CCDC157: variants seen among roughly 807,000 people sequenced by gnomAD.
CCDC157 encodes the protein coiled-coil domain containing 157, also known as coiled-coil domain-containing protein 157.
In CCDC157, 60 loss-of-function variants were observed where a neutral mutation model predicts 70.9. The observed-to-expected ratio is 0.85, with a 90% CI of 0.69 to 1.05. The LOEUF (loss-of-function observed/expected upper bound fraction) is 1.05, where lower values mean the gene tolerates loss of function less well. Ranked by LOEUF, CCDC157 falls within the 50% of genes least tolerant of loss-of-function variation. The probability of loss-of-function intolerance (pLI) is 0.00; values close to 1 mark genes in which losing one functional copy is unlikely to be tolerated. For missense variants in CCDC157, 943 were observed against 984.2 expected, an observed-to-expected ratio of 0.96 and a Z score of 0.56; for synonymous variants, 373 against 422.4, an observed-to-expected ratio of 0.88 and a Z score of 1.43.
intron 9 of CCDC157, chr22:30,374,523 G>A (rs1933200427): frequency 8.7e-6 from 4 of 461,460 alleles, no homozygotes; most frequent in South Asian, 1.5e-5. Context: ...TGGCATAGGA[G>A]TGCTAGGTAC....
chr22:30,371,862 C>T, intron 6 of CCDC157, 135 bp downstream of exon 6: 1 of 853,278 alleles, frequency 1.2e-6, no homozygotes, highest in Non-Finnish European at 1.9e-6. Flanking sequence ...TGGGCCTGAC[C>T]AACCACACTA....
rs760157070 is a variant in CCDC157 at position 30,369,545 on chromosome 22, G to A, written c.362G>A (p.Arg121Gln). ...TGCATGTCCGTGGGGCTCACGGTGCGGCGCTTCTGGGACAGCCTGCTGAGG... is the reference window on the plus strand; with the variant it reads ...TGCATGTCCGTGGGGCTCACGGTGCAGCGCTTCTGGGACAGCCTGCTGAGG... ...GPCMSVGLTVRRFWDSLLRLG... is the reference protein window; with the variant it reads ...GPCMSVGLTVQRFWDSLLRLG... The change falls in exon 4 of 12, where the codon CGG becomes CAG. Residue 121 changes from arginine to glutamine, a missense_variant. By Grantham distance (43) the Arg-to-Gln change is conservative (BLOSUM62 1). Transcript: ENST00000338306. 1.0e-5 allele frequency: 16 copies of A among 1,603,408 alleles called. No homozygotes were observed. Among genetic ancestry groups the A allele is most frequent in the African/African-American group, 2.7e-5 (2 of 74,294 alleles).
rs575107732 is a variant in CCDC157, at chr22:30,371,507, G to A, written c.1046-143G>A. The A allele has an allele frequency of 1.9e-3, 1,298 of 667,498 alleles. 29 individuals are homozygous for A. The South Asian group carries it at 0.022, about 11-fold the overall frequency. The allele number at this position is 667,498 out of a possible 1,614,324, so 41.3% of individuals were successfully genotyped here. ...GGTAAGGGCCCAGCCGCTTCCACCA[G>A]CCTCCCTAGAGCTCCTCCCATGGCC... On this transcript the variant is annotated intron_variant, in intron 5 of 11. Transcript: ENST00000338306.
intron 3 of CCDC157, among the ~76,000 whole-genome samples, chr22:30,368,429 G>A (rs1932804694): frequency 6.6e-6 from 1 of 152,220 alleles, no homozygotes; most frequent in South Asian, 2.1e-4. Flanking sequence ...GTAGCATTGA[G>A]CTGCTCAGTT....
rs1601745238 is a variant in CCDC157 at position 30,373,778 on chromosome 22, T to G, written c.1503+14T>G. Reference sequence around the variant, plus strand: ...AGGGCCCAGCAGGTGAGGGTGGGGGTCTTCCTTTTTGCCAGAGAAGTCTCC... The same window carrying G: ...AGGGCCCAGCAGGTGAGGGTGGGGGGCTTCCTTTTTGCCAGAGAAGTCTCC... On this transcript the variant is annotated intron_variant, in intron 8 of 11. Coordinates refer to ENST00000338306, the MANE Select transcript of CCDC157 (RefSeq NM_001017437.5). 6.5e-7 allele frequency: 1 copy of G among 1,539,576 alleles called. No individual in the cohort carries two copies.
intron 9 of CCDC157, chr22:30,374,435 T>C (rs752141286): frequency 3.2e-5 from 16 of 493,402 alleles, no homozygotes; most frequent in South Asian, 2.3e-4. Flanking sequence ...TTCTTGGTTC[T>C]TGGAATGGGT....
chr22:30,366,271 G>T (rs762905873), intron 3 of CCDC157, 23 bp downstream of exon 3: 3 of 1,611,872 alleles, frequency 1.9e-6, no homozygotes, highest in Non-Finnish European at 2.5e-6. Flanking sequence ...ACCAAGCCTG[G>T]TCATCTCAGG....
chr22:30,377,000 A>T lies in CCDC157; in HGVS notation c.*255A>T. ...TCCCTCCCGACAGAGGCTGTGGGAT[A>T]GGAGAGTACACCCAGGGCAGAGGAA... On this transcript the variant is annotated 3_prime_UTR_variant, in exon 12 of 12. Coordinates refer to ENST00000338306, the MANE Select transcript of CCDC157 (RefSeq NM_001017437.5). The T allele has an allele frequency of 3.5e-6, 2 of 569,366 alleles. No homozygotes were observed. Among genetic ancestry groups the T allele is most frequent in the East Asian group, 5.9e-5 (2 of 34,188 alleles). The allele number at this position is 569,366 out of a possible 1,614,324, so 35.3% of individuals were successfully genotyped here.
In CCDC157 at chr22:30,373,704, C is replaced by T. The variant is rs560364448; in HGVS notation, c.1443C>T (p.Arg481=). The T allele has an allele frequency of 5.9e-5, 91 of 1,553,058 alleles. No individual in the cohort carries two copies. The East Asian group carries it at 1.8e-3, about 31-fold the overall frequency. ...SLDEAEAQRA[R]VEEQLQSERE... The stretch of plus-strand genomic sequence containing the variant: ...ACGAGGCTGAGGCCCAGCGGGCCCG[C>T]GTGGAGGAGCAGCTGCAGAGCGAGC... Residue 481 remains arginine, a synonymous_variant, in exon 8 of 12, where the codon CGC becomes CGT. Coordinates refer to ENST00000338306, the MANE Select transcript of CCDC157 (RefSeq NM_001017437.5).
In CCDC157 at chr22:30,377,606, G is replaced by A. The variant is rs1933433431; in HGVS notation, c.*861G>A. 1 of 154,024 alleles carries A rather than the reference G, an allele frequency of 6.5e-6. No homozygotes were observed. Among genetic ancestry groups the A allele is most frequent in the Non-Finnish European group, 1.4e-5 (1 of 69,168 alleles). The allele number at this position is 154,024 out of a possible 1,614,324, so 9.5% of individuals were successfully genotyped here. A position where few individuals can be genotyped will look rare whatever the true frequency, so the allele number is the denominator to read the frequency against. ...TTTCCCTTGGTGAAGAGGCCGTCAG[G>A]TAGAGCACCTCAGTTCACAGAGAAG... is the stretch of plus-strand genomic sequence containing the variant. On this transcript the variant is annotated 3_prime_UTR_variant, in exon 12 of 12. Transcript: ENST00000338306.
intron 5 of CCDC157, 181 bp downstream of exon 5, chr22:30,371,131 C>G: frequency 1.3e-6 from 1 of 743,528 alleles, no homozygotes; most frequent in Non-Finnish European, 2.1e-6. Flanking sequence ...GGTGGTGACA[C>G]TGTGATCTCA....
intron 1 of CCDC157, among the ~76,000 whole-genome samples, chr22:30,361,128 G>T (rs554233046): frequency 6.6e-6 from 1 of 151,678 alleles, no homozygotes; most frequent in Non-Finnish European, 1.5e-5. Flanking sequence ...TGCACCTGTA[G>T]TCCCAGCTAC....
rs1436874200 is a variant in CCDC157 at position 30,377,624 on chromosome 22, C to T, written c.*879C>T. The T allele has an allele frequency of 6.5e-6, 1 of 155,030 alleles. No individual in the cohort carries two copies. The highest frequency in any genetic ancestry group is 2.4e-5 in the African/African-American group (1 of 41,500). The allele number at this position is 155,030 out of a possible 1,614,324, so 9.6% of individuals were successfully genotyped here. A position where few individuals can be genotyped will look rare whatever the true frequency, so the allele number is the denominator to read the frequency against. ...CCGTCAGGTAGAGCACCTCAGTTCA[C>T]AGAGAAGGGTCAAGAGGGGCCATGT... On this transcript the variant is annotated 3_prime_UTR_variant, in exon 12 of 12. Transcript: ENST00000338306.
intron 4 of CCDC157, chr22:30,370,071 A>G (rs908683021): frequency 1.4e-4 from 82 of 578,262 alleles, no homozygotes; most frequent in Admixed American, 2.7e-4. Context: ...TCACCTTCCC[A>G]ACACCATGCA....
intron 2 of CCDC157, among the ~76,000 whole-genome samples, chr22:30,362,531 T>A (rs569725737): frequency 6.6e-6 from 1 of 152,112 alleles, no homozygotes; most frequent in African/African-American, 2.4e-5. Context: ...CAGGAAGCGG[T>A]CCAGTCTTAG....
intron 1 of CCDC157, among the ~76,000 whole-genome samples, chr22:30,361,247 C>CAAAAA (rs33971565): frequency 1.6e-5 from 1 of 62,196 alleles, no homozygotes; most frequent in African/African-American, 6.6e-5. Context: ...GACTCTGTCT[C>CAAAAA]AAAAAAAAAA....
chr22:30,366,296 C>A, intron 3 of CCDC157, 48 bp downstream of exon 3: 1 of 1,604,932 alleles, frequency 6.2e-7, no homozygotes. Context: ...CAGCACCTGC[C>A]CCTGAAACCA....
intron 9 of CCDC157, chr22:30,374,567 T>C: frequency 2.2e-6 from 1 of 458,016 alleles, no homozygotes; most frequent in Non-Finnish European, 4.4e-6. Flanking sequence ...TCAGGTGACC[T>C]GGGTTCTCCC....
At chr22:30,360,202 A>G (rs1932232987) in intron 1 of CCDC157, among the ~76,000 whole-genome samples, 1 of 152,104 alleles carries the variant, frequency 6.6e-6, no homozygotes, top group Non-Finnish European at 1.5e-5. Flanking sequence ...AAAAGCATAC[A>G]AATTTAATAA....
Sources: allele counts gnomAD v4.1 joint callset (sites outside exome capture counted in the v4.1 genomes callset), GRCh38; gene constraint gnomAD v4.1.1; transcripts MANE v1.5; gene names NCBI Gene and HGNC (gene_info 2026-07-23, HGNC 2026-07-21).